Variants in AKR1B10 observed in about 807,000 individuals in gnomAD.
AKR1B10 encodes ARP.
A neutral mutation model predicts 38.9 loss-of-function variants in AKR1B10; 39 were observed. The ratio of observed to expected loss-of-function variants is 1.00; its 90% confidence interval spans 0.78 to 1.31. The LOEUF is 1.31. AKR1B10 is among the 50% of genes most tolerant of loss of function. The pLI is 0.00. For missense variants in AKR1B10, 361 were observed against 382.6 expected, an observed-to-expected ratio of 0.94 and a Z score of 0.47; for synonymous variants, 148 against 141.2, an observed-to-expected ratio of 1.05 and a Z score of -0.34.
chr7:134,535,667 T>A (rs1807982412), intron 4 of AKR1B10: 1 of 983,588 alleles, frequency 1.0e-6, no homozygotes, highest in South Asian at 4.7e-5. Context: ...GCGGGCTGTA[T>A]GTATCTCTTC....
Position 134,537,635 on chromosome 7 carries a change from G to A in AKR1B10, c.715G>A (p.Ala239Thr), listed in dbSNP as rs535675157. ...GGATCCCAAGATTAAGGAGATTGCT[G>A]CAAAGCACAAAAAAACCGCAGCCCA... ...LEDPKIKEIA[A>T]KHKKTAAQVL... Residue 239 changes from alanine to threonine, a missense_variant, in exon 7 of 10, where the codon GCA (alanine) becomes ACA (threonine). Physicochemically the swap from Ala to Thr is moderately conservative, Grantham distance 58 (BLOSUM62 0). Coordinates refer to ENST00000359579, the MANE Select transcript of AKR1B10 (RefSeq NM_020299.5). 6.2e-7 allele frequency: 1 copy of A among 1,614,088 alleles called. No homozygotes were observed. Among genetic ancestry groups the A allele is most frequent in the South Asian group, 1.1e-5 (1 of 91,068 alleles).
rs2037005 is a variant in AKR1B10 at position 134,527,989 on chromosome 7, A to G, written c.66+12A>G. 608,182 of 1,612,408 alleles carry G rather than the reference A, an allele frequency of 0.38. 116,954 individuals are homozygous for G. Among genetic ancestry groups the G allele is most frequent in the Non-Finnish European group, 0.4 (467,265 of 1,178,740 alleles). On this transcript the variant is annotated intron_variant, in intron 1 of 9. Transcript: ENST00000359579. ...TGGGCACTTGGAAGGTAAATATGCAAATCTTTGCACACCCTTCTTCTCTGG... is the reference window on the plus strand; with the variant it reads ...TGGGCACTTGGAAGGTAAATATGCAGATCTTTGCACACCCTTCTTCTCTGG...
chr7:134,534,167 G>A (rs1181026713), intron 4 of AKR1B10, among the ~76,000 whole-genome samples: 1 of 152,144 alleles, frequency 6.6e-6, no homozygotes, highest in Non-Finnish European at 1.5e-5. Context: ...TGTCACCCAG[G>A]CTGGAGTGCA....
rs755186011 is a variant in AKR1B10, at chr7:134,537,623, A to G, written c.703A>G (p.Lys235Glu). The change falls in exon 7 of 10, where the codon AAG becomes GAG. Residue 235 changes from lysine to glutamate, a missense_variant. Lys to Glu is a moderately conservative substitution (Grantham distance 56). Around this residue, in one of 3 missense-constraint regions of AKR1B10, gnomAD observed 132 missense variants for 134.6 expected, o/e 0.98. Transcript: ENST00000359579. ...TTCCCTGCTGGAGGATCCCAAGATTAAGGAGATTGCTGCAAAGCACAAAAA... is the reference window on the plus strand; with the variant it reads ...TTCCCTGCTGGAGGATCCCAAGATTGAGGAGATTGCTGCAAAGCACAAAAA... ...DPSLLEDPKI[K>E]EIAAKHKKTA... 2.0e-5 allele frequency: 33 copies of G among 1,614,022 alleles called. No individual in the cohort carries two copies. The highest frequency in any genetic ancestry group is 2.6e-5 in the Non-Finnish European group (31 of 1,180,004).
Position 134,536,830 on chromosome 7 carries a change from G to A in AKR1B10, c.552+58G>A, listed in dbSNP as rs1216702888. 48 of 1,606,280 alleles carry A rather than the reference G, an allele frequency of 3.0e-5. No individual in the cohort carries two copies. In the Middle Eastern group the frequency reaches 6.6e-4, roughly 22 times the overall value. On this transcript the variant is annotated intron_variant, in intron 5 of 9. Transcript: ENST00000359579. Reference sequence around the variant, plus strand: ...TGCCCTATTACTTCTTAAACATTGCGGGAGGAATGTTCAATGCTATGCCCT... The same window carrying A: ...TGCCCTATTACTTCTTAAACATTGCAGGAGGAATGTTCAATGCTATGCCCT...
chr7:134,537,768 A>G, intron 7 of AKR1B10, 107 bp downstream of exon 7: 1 of 1,339,616 alleles, frequency 7.5e-7, no homozygotes, highest in Non-Finnish European at 1.0e-6. Flanking sequence ...AGAATATAGG[A>G]GCTGAAGCCC....
rs778147774 is a variant in AKR1B10, at chr7:134,537,110, C to T, written c.612C>T (p.Gly204=). 143 of 1,597,096 alleles carry T rather than the reference C, an allele frequency of 9.0e-5. No individual in the cohort carries two copies. The African/African-American group carries it at 1.5e-3, about 17-fold the overall frequency. The part of the protein sequence containing the change: ...EKLIQYCHSK[G]ITVTAYSPLG... ...TGATCCAGTACTGCCACTCCAAGGG[C>T]ATCACCGTTACGGCCTACAGCCCCC... is the stretch of plus-strand genomic sequence containing the variant. The change falls in exon 6 of 10, where the codon GGC becomes GGT. Residue 204 remains glycine (G), a synonymous_variant. Transcript: ENST00000359579.
chr7:134,536,512 T>A, intron 4 of AKR1B10, 138 bp from the exon 5 acceptor site: 1 of 1,390,312 alleles, frequency 7.2e-7, no homozygotes, highest in Non-Finnish European at 9.5e-7. Context: ...GGCCCTGGAC[T>A]AAAATTTCCT....
chr7:134,541,259 A>G lies in AKR1B10; in HGVS notation c.*170A>G. The G allele has an allele frequency of 1.8e-6, 1 of 557,424 alleles. No homozygotes were observed. The highest frequency in any genetic ancestry group is 3.1e-6 in the Non-Finnish European group (1 of 321,050). The allele number at this position is 557,424 out of a possible 1,614,324, so 34.5% of individuals were successfully genotyped here. Reference sequence around the variant, plus strand: ...TTAGACATTTATTTCTGTATGTTCAACTAGGATCAGAATATCACAGAAAAG... The same window carrying G: ...TTAGACATTTATTTCTGTATGTTCAGCTAGGATCAGAATATCACAGAAAAG... On this transcript the variant is annotated 3_prime_UTR_variant, in exon 10 of 10. Transcript: ENST00000359579.
At chr7:134,531,528 C>A (rs1260335036) in intron 2 of AKR1B10, among the ~76,000 whole-genome samples, 1 of 152,084 alleles carries the variant, frequency 6.6e-6, no homozygotes, top group African/African-American at 2.4e-5. Context: ...AGATAAAGGA[C>A]CATCTGCTCC....
chr7:134,535,606 T>G, intron 4 of AKR1B10: 1 of 967,718 alleles, frequency 1.0e-6, no homozygotes, highest in Non-Finnish European at 1.2e-6. Flanking sequence ...TTTTTTTTTT[T>G]TTCTTTTGAG....
At chr7:134,528,076 G>T (rs756835627) in intron 1 of AKR1B10, 99 bp downstream of exon 1, 18 of 1,461,328 alleles carry the variant, frequency 1.2e-5, no homozygotes, top group East Asian at 2.4e-5. Flanking sequence ...GTCGGGCAGG[G>T]GTTGGAGAGG....
intron 6 of AKR1B10, 32 bp from the exon 7 acceptor site, chr7:134,537,548 G>A: frequency 6.2e-7 from 1 of 1,604,828 alleles, no homozygotes; most frequent in Non-Finnish European, 8.5e-7. Flanking sequence ...TAGCCATGGT[G>A]ATTATTCACA....
intron 1 of AKR1B10, among the ~76,000 whole-genome samples, chr7:134,529,565 G>A (rs954370083): frequency 4.6e-5 from 7 of 152,130 alleles, no homozygotes; most frequent in Non-Finnish European, 8.8e-5. Context: ...GCACAGGGCT[G>A]CTTCTGGGTG....
At chr7:134,539,063 A>T in intron 9 of AKR1B10, 46 bp downstream of exon 9, 1 of 1,609,334 alleles carries the variant, frequency 6.2e-7, no homozygotes, top group Non-Finnish European at 8.5e-7. Flanking sequence ...GAGTTTTTCT[A>T]AACTAATAGA....
At chr7:134,529,751 T>C (rs1382554166) in intron 1 of AKR1B10, among the ~76,000 whole-genome samples, 1 of 152,234 alleles carries the variant, frequency 6.6e-6, no homozygotes, top group Non-Finnish European at 1.5e-5. Context: ...TAGAACAAAA[T>C]GTGATAATTC....
chr7:134,538,723 T>C (rs982468789), intron 8 of AKR1B10, among the ~76,000 whole-genome samples: 4 of 152,054 alleles, frequency 2.6e-5, no homozygotes, highest in Non-Finnish European at 5.9e-5. Flanking sequence ...CTGGTCTCCC[T>C]CCCCCCAGAA....
Position 134,530,820 on chromosome 7 carries a change from T to C in AKR1B10, c.234+10T>C, listed in dbSNP as rs780167522. On this transcript the variant is annotated intron_variant, in intron 2 of 9. Coordinates refer to ENST00000359579, the MANE Select transcript of AKR1B10 (RefSeq NM_020299.5). Reference sequence around the variant, plus strand: ...GTTCATCGTCAGCAAGGTGCAATGGTGCATTTGGTGGGAGGCCTTCACTTC... The same window carrying C: ...GTTCATCGTCAGCAAGGTGCAATGGCGCATTTGGTGGGAGGCCTTCACTTC... 1.1e-5 allele frequency: 18 copies of C among 1,601,512 alleles called. 1 individual carries two copies. The highest frequency in any genetic ancestry group is 6.7e-5 in the African/African-American group (5 of 74,542).
At chr7:134,530,893 A>G (rs1807837901) in intron 2 of AKR1B10, 83 bp downstream of exon 2, 3 of 1,523,028 alleles carry the variant, frequency 2.0e-6, no homozygotes, top group Admixed American at 2.1e-5. Context: ...GAACTCTGTC[A>G]GCCTTTTCTA....
Sources: allele counts gnomAD v4.1 joint callset (sites outside exome capture counted in the v4.1 genomes callset), GRCh38; gene constraint gnomAD v4.1.1; regional missense constraint gnomAD v4.1.1; transcripts MANE v1.5; gene names NCBI Gene and HGNC (gene_info 2026-07-23, HGNC 2026-07-21).